Variants in PSMC6 observed in about 807,000 individuals in gnomAD.
PSMC6 encodes the protein proteasome 26S subunit, ATPase 6.
A neutral mutation model predicts 55.9 loss-of-function variants in PSMC6; 3 were observed. The observed-to-expected ratio is 0.05, with a 90% confidence interval of 0.02 to 0.14. PSMC6 has a LOEUF of 0.14. Ranked by LOEUF, PSMC6 falls within the 10% of genes least tolerant of loss-of-function variation. The pLI is 1.00. For missense variants in PSMC6, 210 were observed against 478.7 expected, an observed-to-expected ratio of 0.44 and a Z score of 5.24; for synonymous variants, 137 against 155.9, an observed-to-expected ratio of 0.88 and a Z score of 0.90.
In PSMC6 at chr14:52,728,258, T is replaced by G. The variant is rs1880501079; in HGVS notation, c.*641T>G. On this transcript the variant is annotated 3_prime_UTR_variant, in exon 14 of 14. Coordinates refer to ENST00000445930, the MANE Select transcript of PSMC6 (RefSeq NM_002806.5). ...GGTTAATTGAAAATATACATGCACA[T>G]CCATAACTTTTTAAAGAGTATGATT... 6.6e-6 allele frequency: 1 copy of G among 152,280 alleles called. No individual in the cohort carries two copies. Among genetic ancestry groups the G allele is most frequent in the Admixed American group, 6.5e-5 (1 of 15,278 alleles). The allele number at this position is 152,280 out of a possible 1,614,324, so 9.4% of individuals were successfully genotyped here.
chr14:52,715,958 A>T (rs2041826087), intron 7 of PSMC6, among the ~76,000 whole-genome samples: 2 of 152,164 alleles, frequency 1.3e-5, no homozygotes, highest in Admixed American at 6.5e-5. Flanking sequence ...GACTTTTCTG[A>T]TGAGATAAGT....
At chr14:52,712,383 G>GAAAAAAA (rs1555356223) in intron 6 of PSMC6, among the ~76,000 whole-genome samples, 1 of 42,090 alleles carries the variant, frequency 2.4e-5, no homozygotes. Flanking sequence ...TGGTCTAAGT[G>GAAAAAAA]TAAAAAAAAA....
chr14:52,714,039 T>G, intron 7 of PSMC6, 71 bp downstream of exon 7: 1 of 1,069,922 alleles, frequency 9.3e-7, no homozygotes, highest in East Asian at 2.6e-5. Context: ...AAAAGACAAT[T>G]TTTTTATTTT....
At chr14:52,723,695 A>G in intron 12 of PSMC6, 1 of 557,118 alleles carries the variant, frequency 1.8e-6, no homozygotes, top group Non-Finnish European at 2.7e-6. Flanking sequence ...GTGCATAGCT[A>G]TTTCACTGTA....
intron 13 of PSMC6, among the ~76,000 whole-genome samples, chr14:52,724,239 G>A (rs1049486430): frequency 1.3e-5 from 2 of 152,168 alleles, no homozygotes; most frequent in African/African-American, 4.8e-5. Flanking sequence ...GCACCATTGA[G>A]GTAGGTGCTG....
chr14:52,707,261 G>GA lies in PSMC6; in HGVS notation c.44dup (p.Leu16ValfsTer3). 1 of 1,614,098 alleles carries GA rather than the reference G, an allele frequency of 6.2e-7. No individual in the cohort carries two copies. The highest frequency in any genetic ancestry group is 8.5e-7 in the Non-Finnish European group (1 of 1,180,026). On this transcript the variant is annotated frameshift_variant, in exon 1 of 14. Transcript: ENST00000445930. LOFTEE classifies it high-confidence loss of function. ...ATAAGGCGCTTCAGGACTACCGCAA[G>GA]AAGTTGCTTGAACACAAGGAGATCG...
At chr14:52,724,839 G>T (rs1227373372) in intron 13 of PSMC6, among the ~76,000 whole-genome samples, 3 of 152,072 alleles carry the variant, frequency 2.0e-5, no homozygotes. Flanking sequence ...GACTTTATAG[G>T]TTATAGATTT....
chr14:52,724,894 T>C (rs1490367645), intron 13 of PSMC6, among the ~76,000 whole-genome samples: 1 of 152,260 alleles, frequency 6.6e-6, no homozygotes, highest in Non-Finnish European at 1.5e-5. Flanking sequence ...TTTCATATCA[T>C]GTTTAGCCTT....
chr14:52,723,197 A>G (rs1880268610), intron 12 of PSMC6: 1 of 152,256 alleles, frequency 6.6e-6, no homozygotes, highest in Non-Finnish European at 1.5e-5. Context: ...GATTAAAGAC[A>G]ATTCATGAAT....
rs77804802 is a variant in PSMC6, at chr14:52,725,578, G to A, written c.1051+1542G>A. On this transcript the variant is annotated intron_variant, in intron 13 of 13. Coordinates refer to ENST00000445930, the MANE Select transcript of PSMC6 (RefSeq NM_002806.5). ...ACGGAGTCTCACTCTGGCCCAGGCTGGAGTGCAGTGGCATGATCACTGCTC... is the reference window on the plus strand; with the variant it reads ...ACGGAGTCTCACTCTGGCCCAGGCTAGAGTGCAGTGGCATGATCACTGCTC... Among the ~76,000 whole-genome samples the A allele has an allele frequency of 3.7e-3, 558 of 152,282 alleles. 14 individuals carry two copies. The highest frequency in any genetic ancestry group is 0.029 in the Admixed American group (440 of 15,296).
chr14:52,724,273 G>T (rs1399627112), intron 13 of PSMC6, among the ~76,000 whole-genome samples: 1 of 152,180 alleles, frequency 6.6e-6, no homozygotes, highest in African/African-American at 2.4e-5. Flanking sequence ...TTAGATCTCA[G>T]AGAAGCATAC....
At position 52,728,218 on chromosome 14, in the gene PSMC6, A is replaced by T. The variant is rs1225496183; in HGVS notation, c.*601A>T. On this transcript the variant is annotated 3_prime_UTR_variant, in exon 14 of 14. Transcript: ENST00000445930. ...GTTTACATATTCTTCATCTACTGTG[A>T]TTAAGCTCATTGTTGGTTAATTGAA... 6.6e-6 allele frequency: 1 copy of T among 152,238 alleles called. No individual in the cohort carries two copies. The highest frequency in any genetic ancestry group is 2.4e-5 in the African/African-American group (1 of 41,436). The allele number at this position is 152,238 out of a possible 1,614,324, so 9.4% of individuals were successfully genotyped here.
rs758935399 is a variant in PSMC6 at position 52,720,840 on chromosome 14, T to A, written c.778-21T>A. 2.6e-6 allele frequency: 4 copies of A among 1,567,322 alleles called. No individual in the cohort carries two copies. The East Asian group carries it at 9.0e-5, about 35-fold the overall frequency. On this transcript the variant is annotated intron_variant, in intron 10 of 13. Coordinates refer to ENST00000445930, the MANE Select transcript of PSMC6 (RefSeq NM_002806.5). ...TTTAATGGTTAGAATTTTTGTAAAATCTGATTCTTAATATTCTTAGTTACT... is the reference window on the plus strand; with the variant it reads ...TTTAATGGTTAGAATTTTTGTAAAAACTGATTCTTAATATTCTTAGTTACT...
chr14:52,719,857 T>G (rs753122045), intron 10 of PSMC6, among the ~76,000 whole-genome samples: 2 of 152,226 alleles, frequency 1.3e-5, no homozygotes, highest in African/African-American at 2.4e-5. Flanking sequence ...GGTTTTTCAT[T>G]TATTCAAGAA....
chr14:52,711,192 T>G, intron 5 of PSMC6, 24 bp downstream of exon 5: 1 of 1,590,528 alleles, frequency 6.3e-7, no homozygotes, highest in Non-Finnish European at 8.6e-7. Flanking sequence ...TCTATTTAGT[T>G]CACCTTTTAT....
At chr14:52,718,400 T>A in intron 9 of PSMC6, 48 bp downstream of exon 9, 1 of 1,550,660 alleles carries the variant, frequency 6.4e-7, no homozygotes, top group Non-Finnish European at 8.8e-7. Context: ...TTTTTAAATG[T>A]AAAAGAACCT....
intron 13 of PSMC6, 31 bp from the exon 14 acceptor site, chr14:52,727,468 T>G (rs949883468): frequency 7.5e-7 from 1 of 1,341,650 alleles, no homozygotes; most frequent in East Asian, 2.3e-5. Flanking sequence ...ATATGTGATA[T>G]ATAGCAGTCA....
Position 52,713,896 on chromosome 14 carries a change from C to G in PSMC6, c.457C>G (p.Leu153Val). ...TCTTTTCTAGGTGATAGAATTACCT[C>G]TTACAAACCCAGAGTTATTTCAGCG... is the stretch of plus-strand genomic sequence containing the variant. The part of the protein sequence containing the change: ...RELREVIELP[L>V]TNPELFQRVG... The change falls in exon 7 of 14, where the codon CTT becomes GTT. Residue 153 changes from leucine to valine, a missense_variant. Leu to Val is a conservative substitution (Grantham distance 32, BLOSUM62 1). Coordinates refer to ENST00000445930, the MANE Select transcript of PSMC6 (RefSeq NM_002806.5). The G allele has an allele frequency of 6.3e-7, 1 of 1,591,734 alleles. No homozygotes were observed. The highest frequency in any genetic ancestry group is 8.6e-7 in the Non-Finnish European group (1 of 1,164,986).
intron 4 of PSMC6, 103 bp from the exon 5 acceptor site, chr14:52,710,998 T>G: frequency 1.2e-6 from 1 of 859,974 alleles, no homozygotes; most frequent in Non-Finnish European, 1.9e-6. Context: ...GTGTTCTCTC[T>G]GGAGGGTAAA....
Sources: gnomAD v4.1 joint callset for allele counts (sites outside exome capture counted in the v4.1 genomes callset) on GRCh38, gnomAD v4.1.1 for gene constraint, MANE v1.5 for transcripts, NCBI Gene and HGNC (gene_info 2026-07-23, HGNC 2026-07-21) for gene names.